The following GDPD1 variants were observed in gnomAD, a reference collection of about 807,000 sequenced individuals.
GDPD1 encodes the protein lysophospholipase D GDPD1.
A neutral mutation model predicts 45.1 loss-of-function variants in GDPD1; 28 were observed. That is an observed-to-expected ratio of 0.62 (90% CI 0.46 to 0.85). GDPD1 has a LOEUF of 0.85. GDPD1 is among the 40% of genes least tolerant of loss of function. The pLI is 0.00. For missense variants in GDPD1, 256 were observed against 364.8 expected, an observed-to-expected ratio of 0.70 and a Z score of 2.43; for synonymous variants, 139 against 131.4, an observed-to-expected ratio of 1.06 and a Z score of -0.40.
intron 1 of GDPD1, among the ~76,000 whole-genome samples, chr17:59,229,854 G>GC (rs1193052272): frequency 6.6e-6 from 1 of 152,112 alleles, no homozygotes; most frequent in Non-Finnish European, 1.5e-5. Context: ...ATGCAAGCGT[G>GC]CCCACAAAGG....
rs1414693133 is a variant in GDPD1 at position 59,268,528 on chromosome 17, G to A, written c.710+1354G>A. On this transcript the variant is annotated intron_variant, in intron 7 of 9. Coordinates refer to ENST00000284116, the MANE Select transcript of GDPD1 (RefSeq NM_182569.4). ...TGGGAGGCAGAGCTTGCAGTGAGCGGAGATTGCGCCACTGCACTCCAGCCT... is the reference window on the plus strand; with the variant it reads ...TGGGAGGCAGAGCTTGCAGTGAGCGAAGATTGCGCCACTGCACTCCAGCCT... Among the ~76,000 whole-genome samples, 3 of 135,810 alleles carry A rather than the reference G, an allele frequency of 2.2e-5. No homozygotes were observed. The Admixed American group carries it at 2.4e-4, about 11-fold the overall frequency. The allele number at this position is 135,810 out of a possible 152,430, so 89.1% of individuals were successfully genotyped here.
chr17:59,265,584 A>G (rs1294642427), intron 6 of GDPD1, among the ~76,000 whole-genome samples: 1 of 150,290 alleles, frequency 6.7e-6, no homozygotes, highest in Non-Finnish European at 1.5e-5. Context: ...GGAGAGAGGG[A>G]ATGGAGATTT....
intron 7 of GDPD1, among the ~76,000 whole-genome samples, chr17:59,268,403 C>G (rs1488253911): frequency 6.6e-6 from 1 of 151,186 alleles, no homozygotes; most frequent in South Asian, 2.1e-4. Context: ...GGTGAAACCC[C>G]GTCTCCACTA....
At chr17:59,240,326 GA>G (rs201715672) in intron 2 of GDPD1, among the ~76,000 whole-genome samples, 3 of 151,378 alleles carry the variant, frequency 2.0e-5, no homozygotes, top group South Asian at 2.1e-4. Context: ...ATGTTAAATA[GA>G]AAAAAACTTA....
chr17:59,264,198 C>G (rs1460878042), intron 6 of GDPD1, among the ~76,000 whole-genome samples: 2 of 151,818 alleles, frequency 1.3e-5, no homozygotes, highest in Non-Finnish European at 2.9e-5. Context: ...CCGGGTTTCT[C>G]CATGTTGGTC....
In GDPD1 at chr17:59,246,136, T is replaced by A. The variant is rs186162070; in HGVS notation, c.321+587T>A. Among the ~76,000 whole-genome samples the A allele has an allele frequency of 1.8e-4, 27 of 151,804 alleles. No individual in the cohort carries two copies. The Middle Eastern group carries it at 0.01, about 57-fold the overall frequency. On this transcript the variant is annotated intron_variant, in intron 3 of 9. Transcript: ENST00000284116. ...CTGTCTCAAAAAAAAAAAAGATTAT[T>A]ATAACGTATATATTCATTATAGTAA...
intron 6 of GDPD1, among the ~76,000 whole-genome samples, chr17:59,263,163 A>G (rs2047371000): frequency 6.6e-6 from 1 of 152,078 alleles, no homozygotes; most frequent in Non-Finnish European, 1.5e-5. Context: ...ATGGGACTAT[A>G]CTATACTACA....
At chr17:59,231,701 A>G (rs967365011) in intron 1 of GDPD1, among the ~76,000 whole-genome samples, 3 of 151,890 alleles carry the variant, frequency 2.0e-5, no homozygotes, top group Admixed American at 1.3e-4. Flanking sequence ...AGTTTTTTTT[A>G]TTTAAAATTA....
chr17:59,229,203 G>C (rs1160384972), intron 1 of GDPD1, among the ~76,000 whole-genome samples: 6 of 149,104 alleles, frequency 4.0e-5, no homozygotes, highest in Non-Finnish European at 8.9e-5. Context: ...GCCCAGGCTG[G>C]AGTGCAGTGG....
At chr17:59,244,538 G>C (rs767844858) in intron 2 of GDPD1, among the ~76,000 whole-genome samples, 3 of 152,056 alleles carry the variant, frequency 2.0e-5, no homozygotes, top group Admixed American at 2.0e-4. Flanking sequence ...TCACCTTGTC[G>C]GCCAGGCTAG....
At chr17:59,221,058 G>A (rs1568335198) in intron 1 of GDPD1, among the ~76,000 whole-genome samples, 1 of 152,096 alleles carries the variant, frequency 6.6e-6, no homozygotes, top group African/African-American at 2.4e-5. Flanking sequence ...GCGGATGGAA[G>A]GATGATCGCA....
intron 4 of GDPD1, among the ~76,000 whole-genome samples, chr17:59,256,296 G>A (rs1406396047): frequency 1.3e-5 from 2 of 151,894 alleles, no homozygotes; most frequent in Admixed American, 6.6e-5. Flanking sequence ...CAGTCTGGGC[G>A]ACAGAGTGAG....
chr17:59,262,152 C>T (rs558223196), intron 6 of GDPD1, among the ~76,000 whole-genome samples: 39 of 151,692 alleles, frequency 2.6e-4, no homozygotes, highest in Admixed American at 1.1e-3. Context: ...GATCTCCTGA[C>T]CTCGTGATCC....
chr17:59,223,827 C>T (rs1244498231), intron 1 of GDPD1, among the ~76,000 whole-genome samples: 1 of 152,226 alleles, frequency 6.6e-6, no homozygotes, highest in Non-Finnish European at 1.5e-5. Context: ...AGGAGAATCA[C>T]TTGAACCTGG....
rs552899073 is a variant in GDPD1, at chr17:59,235,614, C to T, written c.185+1080C>T. On this transcript the variant is annotated intron_variant, in intron 2 of 9. Coordinates refer to ENST00000284116, the MANE Select transcript of GDPD1 (RefSeq NM_182569.4). ...GGTTAATCACCTGAGGTCCGGAGTTCAAGACCAGCCTGGCCAACGTGGTGA... is the reference window on the plus strand; with the variant it reads ...GGTTAATCACCTGAGGTCCGGAGTTTAAGACCAGCCTGGCCAACGTGGTGA... 7.2e-5 allele frequency among the ~76,000 whole-genome samples: 11 copies of T among 152,178 alleles called. No homozygotes were observed. The East Asian group carries it at 1.9e-3, about 27-fold the overall frequency.
At chr17:59,255,852 C>CGCGTATATATATAT (rs2047302653) in intron 4 of GDPD1, among the ~76,000 whole-genome samples, 3 of 72,818 alleles carry the variant, frequency 4.1e-5, no homozygotes, top group African/African-American at 2.7e-4. Flanking sequence ...TATATATATA[C>CGCGTATATATATAT]ACACGTATAT....
At chr17:59,239,540 C>A (rs1440631280) in intron 2 of GDPD1, among the ~76,000 whole-genome samples, 3 of 151,926 alleles carry the variant, frequency 2.0e-5, no homozygotes, top group Non-Finnish European at 4.4e-5. Context: ...TGTGTTCTAG[C>A]TATTTACATA....
intron 7 of GDPD1, among the ~76,000 whole-genome samples, chr17:59,269,126 G>C (rs1488513554): frequency 6.6e-6 from 1 of 151,676 alleles, no homozygotes; most frequent in Non-Finnish European, 1.5e-5. Flanking sequence ...GTGAAACCCC[G>C]TCTCTACTAA....
At chr17:59,258,268 G>A (rs529184598) in intron 6 of GDPD1, among the ~76,000 whole-genome samples, 12 of 151,950 alleles carry the variant, frequency 7.9e-5, no homozygotes, top group East Asian at 7.8e-4. Context: ...ATTTCAGGCC[G>A]GGCGCAGTGG....
Sources: gnomAD v4.1 joint callset for allele counts (sites outside exome capture counted in the v4.1 genomes callset) on GRCh38, gnomAD v4.1.1 for gene constraint, MANE v1.5 for transcripts, NCBI Gene and HGNC (gene_info 2026-07-23, HGNC 2026-07-21) for gene names.